Variants in DISP3 observed in about 807,000 individuals in gnomAD.
DISP3 encodes the protein protein dispatched homolog 3.
DISP3 carries 101 observed loss-of-function variants against 135.3 expected under a neutral mutation model. The ratio of observed to expected loss-of-function variants is 0.75; its 90% CI spans 0.64 to 0.88. The LOEUF (loss-of-function observed/expected upper bound fraction) is 0.88. DISP3 is among the 40% of genes least tolerant of loss of function. The pLI is 0.00. For missense variants in DISP3, 1,713 were observed against 1,878.6 expected (o/e 0.91, Z 1.63); for synonymous variants, 856 against 817.0 (o/e 1.05, Z -0.81).
chr1:11,531,544 C>A lies in DISP3; in HGVS notation c.3230-21C>A, dbSNP rs372015908. 7.9e-5 allele frequency: 128 copies of A among 1,613,048 alleles called. No individual in the cohort carries two copies. The highest frequency in any genetic ancestry group is 5.0e-4 in the Middle Eastern group (3 of 6,022). On this transcript the variant is annotated intron_variant, in intron 16 of 20. Transcript: ENST00000294484. The surrounding 1 kb of genome is among the most constrained non-coding windows in gnomAD (Gnocchi z 5.2). ...CTCTTCCAGGGCCACCACGCACTCC[C>A]TTTCTTGCCTCTCCCCGCAGGCTAC... is the stretch of plus-strand genomic sequence containing the variant.
In DISP3 at chr1:11,502,740, G is replaced by T; in HGVS notation, c.1159G>T (p.Ala387Ser). 2 of 1,614,162 alleles carry T rather than the reference G, an allele frequency of 1.2e-6. No homozygotes were observed. Among genetic ancestry groups the T allele is most frequent in the Middle Eastern group, 3.3e-4 (2 of 6,058 alleles). Residue 387 changes from alanine to serine, a missense_variant, in exon 3 of 21, where the codon GCA becomes TCA. Ala to Ser is a moderately conservative substitution (Grantham distance 99). This residue lies in a region of DISP3 where 1,142 missense variants were observed against 1,384.6 expected (regional missense o/e 0.82). Transcript: ENST00000294484. ...FYWYVDEGLS[A>S]DNLKSSLLRS... ...CTGGTATGTGGATGAGGGCCTCTCT[G>T]CAGACAATCTGAAGAGCTCCCTCCT...
intron 1 of DISP3, among the ~76,000 whole-genome samples, chr1:11,482,441 C>T (rs1640927160): frequency 6.6e-6 from 1 of 152,108 alleles, no homozygotes; most frequent in Admixed American, 6.6e-5. Context: ...GCCCTATGAG[C>T]TGGGGATGGC....
Position 11,501,637 on chromosome 1 carries a change from C to A in DISP3, c.645C>A (p.Ala215=), listed in dbSNP as rs751493284. ...RETPPLEDLA[A]NQSEDPRNQR... Reference sequence around the variant, plus strand: ...CCCCGCCCCTGGAGGATCTGGCAGCCAACCAGAGTGAAGACCCGCGAAACC... The same window carrying A: ...CCCCGCCCCTGGAGGATCTGGCAGCAAACCAGAGTGAAGACCCGCGAAACC... Residue 215 remains alanine (A), a synonymous_variant, in exon 2 of 21, where the codon GCC becomes GCA. Coordinates refer to ENST00000294484, the MANE Select transcript of DISP3 (RefSeq NM_020780.2). This position sits in a 1 kb window ranked among gnomAD's most constrained non-coding sequence, Gnocchi z 4.9. 6 of 1,609,188 alleles carry A rather than the reference C, an allele frequency of 3.7e-6. No individual in the cohort carries two copies. The highest frequency in any genetic ancestry group is 5.1e-6 in the Non-Finnish European group (6 of 1,178,276).
chr1:11,530,447 T>A (rs1262664230), intron 15 of DISP3, among the ~76,000 whole-genome samples: 2 of 152,096 alleles, frequency 1.3e-5, no homozygotes, highest in African/African-American at 4.8e-5. Flanking sequence ...CCTTTATTAG[T>A]CACAGCCCAG....
At chr1:11,492,237 G>A (rs991543505) in intron 1 of DISP3, among the ~76,000 whole-genome samples, 45 of 152,152 alleles carry the variant, frequency 3.0e-4, no homozygotes, top group African/African-American at 9.6e-4. Flanking sequence ...TTAGGGGGTC[G>A]GGTTCTGTCC....
At position 11,497,956 on chromosome 1, in the gene DISP3, G is replaced by A. The variant is rs934518245; in HGVS notation, c.-3-3034G>A. 2.0e-5 allele frequency among the ~76,000 whole-genome samples: 3 copies of A among 152,114 alleles called. No homozygotes were observed. The South Asian group carries it at 6.2e-4, about 32-fold the overall frequency. ...CCTCCCCAAGGGTGTTTTAGGCCACGAGAAGCCAGCAGGGAATATGACAGC... is the reference window on the plus strand; with the variant it reads ...CCTCCCCAAGGGTGTTTTAGGCCACAAGAAGCCAGCAGGGAATATGACAGC... On this transcript the variant is annotated intron_variant, in intron 1 of 20. Coordinates refer to ENST00000294484, the MANE Select transcript of DISP3 (RefSeq NM_020780.2).
chr1:11,525,202 A>T lies in DISP3; in HGVS notation c.2503A>T (p.Lys835Ter). 7 of 1,613,942 alleles carry T rather than the reference A, an allele frequency of 4.3e-6. No homozygotes were observed. Among genetic ancestry groups the T allele is most frequent in the Non-Finnish European group, 5.9e-6 (7 of 1,179,904 alleles). Reference sequence around the variant, plus strand: ...TTTCCCAGGCACCGTGTACATCTCTAAAGTGAAGAGTCAAGGCCACCCCGC... The same window carrying T: ...TTTCCCAGGCACCGTGTACATCTCTTAAGTGAAGAGTCAAGGCCACCCCGC... ...QDFPGTVYIS[K>*]VKSQGHPAVY... The change falls in exon 12 of 21, where the codon AAA (lysine) becomes TAA (stop). Residue 835 changes from lysine to a stop codon, truncating the protein, a stop_gained. Transcript: ENST00000294484. LOFTEE classifies it high-confidence loss of function.
Position 11,520,697 on chromosome 1 carries a change from C to T in DISP3, c.2211C>T (p.Val737=). Residue 737 remains valine, a synonymous_variant, in exon 10 of 21, where the codon GTC becomes GTT. Coordinates refer to ENST00000294484, the MANE Select transcript of DISP3 (RefSeq NM_020780.2). This position sits in a 1 kb window ranked among gnomAD's most constrained non-coding sequence, Gnocchi z 4.8. The part of the protein sequence containing the change: ...KSRWVIVGLF[V]SILILSLVFA... ...GCCCTTTCCTCACAGGGCTGTTCGT[C>T]TCCATCCTCATCTTGTCCCTGGTGT... is the stretch of plus-strand genomic sequence containing the variant. 2 of 1,613,304 alleles carry T rather than the reference C, an allele frequency of 1.2e-6. No homozygotes were observed. The highest frequency in any genetic ancestry group is 1.7e-5 in the Admixed American group (1 of 60,014).
In DISP3 at chr1:11,530,977, C is replaced by A. The variant is rs1244943888; in HGVS notation, c.3173C>A (p.Ala1058Asp). Residue 1058 changes from alanine (A) to aspartate (D), a missense_variant, in exon 16 of 21, where the codon GCC (alanine) becomes GAC (aspartate). Coordinates refer to ENST00000294484, the MANE Select transcript of DISP3 (RefSeq NM_020780.2). The part of the protein sequence containing the change: ...EIGHLCHLCK[A>D]IAANSELVKP... The stretch of plus-strand genomic sequence containing the variant: ...GGGCACCTGTGTCACCTCTGCAAGG[C>A]CATCGCAGCCAACTCCGAGCTGGTG... 9.3e-6 allele frequency: 15 copies of A among 1,613,864 alleles called. No homozygotes were observed. In the Admixed American group the frequency reaches 1.3e-4, roughly 14 times the overall value.
At chr1:11,513,695 G>A (rs1641921678) in intron 3 of DISP3, among the ~76,000 whole-genome samples, 1 of 152,088 alleles carries the variant, frequency 6.6e-6, no homozygotes, top group African/African-American at 2.4e-5. Context: ...AGCCTCCTTT[G>A]GGGAGTCCAA....
At chr1:11,480,677 GCACA>G (rs70983561) in intron 1 of DISP3, among the ~76,000 whole-genome samples, 15,648 of 142,614 alleles carry the variant, frequency 0.11, 1,735 homozygotes, top group African/African-American at 0.28. Flanking sequence ...GCGCGCGCGT[GCACA>G]CACACACACA....
In DISP3 at chr1:11,491,350, G is replaced by GT. The variant is rs748392025; in HGVS notation, c.-3-9639dup. ...TTGGGCATGGTGGCTGACACCTACT[G>GT]TAATTCCAACAGTTTGGGAGACTGG... On this transcript the variant is annotated intron_variant, in intron 1 of 20. Coordinates refer to ENST00000294484, the MANE Select transcript of DISP3 (RefSeq NM_020780.2). The surrounding 1 kb of genome is among the most constrained non-coding windows in gnomAD (Gnocchi z 4.3). Among the ~76,000 whole-genome samples, 11 of 152,162 alleles carry GT rather than the reference G, an allele frequency of 7.2e-5. No individual in the cohort carries two copies. The highest frequency in any genetic ancestry group is 1.6e-4 in the Non-Finnish European group (11 of 68,034).
rs1642149280 is a variant in DISP3 at position 11,520,367 on chromosome 1, GA to G, written c.2201-319del. ...CATTGTCATCTTCGACACTATTTCA[GA>G]GTTGTGTGAGATCAAGTAGTGCACC... is the stretch of plus-strand genomic sequence containing the variant. On this transcript the variant is annotated intron_variant, in intron 9 of 20. Coordinates refer to ENST00000294484, the MANE Select transcript of DISP3 (RefSeq NM_020780.2). This position sits in a 1 kb window ranked among gnomAD's most constrained non-coding sequence, Gnocchi z 4.8. 2.0e-5 allele frequency among the ~76,000 whole-genome samples: 3 copies of G among 152,174 alleles called. No homozygotes were observed. The South Asian group carries it at 6.2e-4, about 32-fold the overall frequency.
At chr1:11,503,956 A>G (rs1342114418) in intron 3 of DISP3, among the ~76,000 whole-genome samples, 1 of 152,130 alleles carries the variant, frequency 6.6e-6, no homozygotes, top group South Asian at 2.1e-4. Flanking sequence ...CAGGAGTACA[A>G]CTGGGTCCCT....
Position 11,519,604 on chromosome 1 carries a change from C to T in DISP3, c.2038+101C>T, listed in dbSNP as rs182226725. On this transcript the variant is annotated intron_variant, in intron 8 of 20. Transcript: ENST00000294484. This position sits in a 1 kb window ranked among gnomAD's most constrained non-coding sequence, Gnocchi z 4.3. ...ACAAGTTGGTCCTGAGGCTGGGGGC[C>T]GGACAAGATGGCCTGTGGGCTTCCT... 33 of 1,571,288 alleles carry T rather than the reference C, an allele frequency of 2.1e-5. No homozygotes were observed. In the East Asian group the frequency reaches 6.8e-4, roughly 32 times the overall value.
At chr1:11,522,761 A>ACCCAGCCAGAG (rs1642264632) in intron 10 of DISP3, among the ~76,000 whole-genome samples, 8 of 15,630 alleles carry the variant, frequency 5.1e-4, no homozygotes, top group Admixed American at 1.3e-3. Context: ...CCCAGCCAGG[A>ACCCAGCCAGAG]CCCAGCCAGG....
chr1:11,522,154 G>A (rs1266472000), intron 10 of DISP3, among the ~76,000 whole-genome samples: 1 of 152,156 alleles, frequency 6.6e-6, no homozygotes, highest in East Asian at 1.9e-4. Context: ...TACAGAGGGG[G>A]AGCAGGCGAA....
rs1553156202 is a variant in DISP3, at chr1:11,522,926, A to ACCCAGCCAGAG, written c.2363-1007_2363-1006insAGCCCAGCCAG. 4.7e-3 allele frequency among the ~76,000 whole-genome samples: 72 copies of ACCCAGCCAGAG among 15,332 alleles called. 4 individuals are homozygous for ACCCAGCCAGAG. Among genetic ancestry groups the ACCCAGCCAGAG allele is most frequent in the African/African-American group, 0.014 (51 of 3,686 alleles). 10.1% of individuals were successfully genotyped at this position (15,332 alleles called of 152,430 possible). A position where few individuals can be genotyped will look rare whatever the true frequency, so the allele number is the denominator to read the frequency against. ...AGAGCCCAGCCAGGACCCAGCAAGG[A>ACCCAGCCAGAG]CCCAGCCAGGACCCAGCCAGAGCCC... On this transcript the variant is annotated intron_variant, in intron 10 of 20. Coordinates refer to ENST00000294484, the MANE Select transcript of DISP3 (RefSeq NM_020780.2).
Position 11,522,673 on chromosome 1 carries a change from ACCCAGCCAGAG to A in DISP3, c.2363-1259_2363-1249del, listed in dbSNP as rs1557615184. ...AGGGCCCAGCCAGAGCCCAGCCAGG[ACCCAGCCAGAG>A]CCCAGCCAGGGCCCAGCCAGGACCC... On this transcript the variant is annotated intron_variant, in intron 10 of 20. Transcript: ENST00000294484. 8.6e-4 allele frequency among the ~76,000 whole-genome samples: 64 copies of A among 74,340 alleles called. 2 individuals are homozygous for A. The highest frequency in any genetic ancestry group is 3.3e-3 in the East Asian group (6 of 1,812). 48.8% of individuals were successfully genotyped at this position (74,340 alleles called of 152,430 possible).
Sources: allele counts gnomAD v4.1 joint callset (sites outside exome capture counted in the v4.1 genomes callset), GRCh38; gene constraint gnomAD v4.1.1; regional missense constraint gnomAD v4.1.1; non-coding constraint Gnocchi (gnomAD v3.1); transcripts MANE v1.5; gene names NCBI Gene and HGNC (gene_info 2026-07-23, HGNC 2026-07-21).